SGCD: variants seen among roughly 807,000 people sequenced by gnomAD.
SGCD encodes sarcoglycan delta.
Under a neutral mutation model 36.6 loss-of-function variants are expected in SGCD, and 18 were observed. The observed-to-expected ratio is 0.49, with a 90% CI of 0.34 to 0.73. The LOEUF is 0.73. Among genes scored for constraint, SGCD ranks in the 30% least tolerant of loss-of-function variants. The pLI, the probability that SGCD is intolerant of heterozygous loss-of-function variation, is 0.01. For synonymous variants in SGCD, 133 were observed against 130.6 expected (o/e 1.02, Z -0.12); for missense variants, 387 against 346.7 (o/e 1.12, Z -0.92).
chr5:156,061,156 C>G (rs1760195762), intron 1 of SGCD, among the ~76,000 whole-genome samples: 2 of 143,640 alleles, frequency 1.4e-5, no homozygotes. Flanking sequence ...ATTTTAACCC[C>G]TGTAAAAATT....
intron 3 of SGCD, among the ~76,000 whole-genome samples, chr5:156,478,386 C>T (rs1755282224): frequency 6.6e-6 from 1 of 152,108 alleles, no homozygotes; most frequent in African/African-American, 2.4e-5. Context: ...GGCTCTGCTC[C>T]CCCTGGGCTA....
chr5:156,671,305 C>T (rs1467080994), intron 7 of SGCD, among the ~76,000 whole-genome samples: 1 of 141,276 alleles, frequency 7.1e-6, no homozygotes, highest in African/African-American at 2.6e-5. Flanking sequence ...CAGAGTCTCG[C>T]TCTGTCACCC....
chr5:156,742,748 A>T (rs1049623222), intron 7 of SGCD, among the ~76,000 whole-genome samples: 2 of 152,212 alleles, frequency 1.3e-5, no homozygotes. Context: ...CAAGGAGTAG[A>T]TGGTATTAAT....
intron 4 of SGCD, among the ~76,000 whole-genome samples, chr5:156,565,778 T>C (rs959786787): frequency 6.6e-6 from 1 of 152,090 alleles, no homozygotes; most frequent in Non-Finnish European, 1.5e-5. Context: ...CTCCCACTTA[T>C]GAGTGAGAAC....
At position 156,766,830 on chromosome 5, in the gene SGCD, G is replaced by A. The variant is rs1352722625; in HGVS notation, c.*7440G>A. ...TGCTGTCAACCTGCCTTCACCCAGA[G>A]CTTAGAGGGCCACAGCAGCAAAGAG... On this transcript the variant is annotated 3_prime_UTR_variant, in exon 9 of 9. Transcript: ENST00000337851. 1 of 152,070 alleles carries A rather than the reference G, an allele frequency of 6.6e-6. No individual in the cohort carries two copies. The highest frequency in any genetic ancestry group is 1.5e-5 in the Non-Finnish European group (1 of 68,044). 9.4% of individuals were successfully genotyped at this position (152,070 alleles called of 1,614,324 possible).
chr5:156,210,865 A>C (rs1207888578), intron 3 of SGCD, among the ~76,000 whole-genome samples: 2 of 152,138 alleles, frequency 1.3e-5, no homozygotes, highest in East Asian at 3.9e-4. Flanking sequence ...CCAGAAGTAA[A>C]AGAGAGAGAA....
intron 6 of SGCD, among the ~76,000 whole-genome samples, chr5:156,610,845 C>T (rs574409568): frequency 8.6e-4 from 131 of 152,342 alleles, no homozygotes; most frequent in African/African-American, 1.3e-3. Flanking sequence ...CCAGGCCAGG[C>T]GCAGGATATA....
At chr5:156,629,604 A>G (rs1055938333) in intron 6 of SGCD, among the ~76,000 whole-genome samples, 1 of 152,214 alleles carries the variant, frequency 6.6e-6, no homozygotes, top group Non-Finnish European at 1.5e-5. Flanking sequence ...AAGATGCAAT[A>G]ATCTAGGCCA....
chr5:156,495,413 A>G (rs1756139676), intron 3 of SGCD, among the ~76,000 whole-genome samples: 1 of 152,144 alleles, frequency 6.6e-6, no homozygotes, highest in African/African-American at 2.4e-5. Flanking sequence ...AACCTTTCTC[A>G]CAAGTATCAA....
chr5:156,472,381 A>G (rs918487106), intron 3 of SGCD, among the ~76,000 whole-genome samples: 12 of 152,212 alleles, frequency 7.9e-5, no homozygotes, highest in African/African-American at 2.9e-4. Flanking sequence ...CTACTCACCA[A>G]TAAAAAATAA....
At chr5:155,775,309 C>T in the SGCD span, among the ~76,000 whole-genome samples, 2 of 152,138 alleles carry the variant, frequency 1.3e-5, no homozygotes, top group Non-Finnish European at 2.9e-5. Flanking sequence ...GGGCCCTTTT[C>T]TGATTTATCA....
In SGCD at chr5:156,244,682, A is replaced by G. The variant is rs572430473; in HGVS notation, c.-43-84852A>G. Among the ~76,000 whole-genome samples the G allele has an allele frequency of 1.5e-4, 23 of 152,358 alleles. No individual in the cohort carries two copies. In the South Asian group the frequency reaches 3.1e-3, roughly 21 times the overall value. On this transcript the variant is annotated intron_variant, in intron 3 of 9. Transcript: ENST00000517913. ...GTTGAACAAAAAGTTTAAAAGCCAG[A>G]ATCACTTGGGAAGATTTTAATAGCC...
At chr5:155,965,781 G>T (rs978600915) in intron 1 of SGCD, among the ~76,000 whole-genome samples, 1 of 151,948 alleles carries the variant, frequency 6.6e-6, no homozygotes, top group Non-Finnish European at 1.5e-5. Flanking sequence ...AAATACGAAG[G>T]GCTCTAAAAG....
chr5:156,524,183 A>AATAT (rs1491565220), intron 4 of SGCD, among the ~76,000 whole-genome samples: 3 of 20,688 alleles, frequency 1.5e-4, no homozygotes, highest in Non-Finnish European at 2.7e-4. Context: ...TATAGGTCTT[A>AATAT]CTATATATAT....
intron 7 of SGCD, among the ~76,000 whole-genome samples, chr5:156,690,776 T>C (rs957189549): frequency 1.3e-5 from 2 of 152,028 alleles, no homozygotes; most frequent in Non-Finnish European, 2.9e-5. Flanking sequence ...GTAGCAGAGA[T>C]GCCAAGGAAA....
the SGCD span, among the ~76,000 whole-genome samples, chr5:155,833,226 A>T: frequency 3.4e-5 from 5 of 146,900 alleles, no homozygotes; most frequent in Admixed American, 2.7e-4. Flanking sequence ...AGAGAATCTC[A>T]AAAAAAAAAA....
intron 1 of SGCD, among the ~76,000 whole-genome samples, chr5:155,929,859 C>T (rs1346973076): frequency 6.6e-6 from 1 of 152,170 alleles, no homozygotes; most frequent in African/African-American, 2.4e-5. Context: ...ACACAACTTT[C>T]CATATTCACT....
intron 7 of SGCD, among the ~76,000 whole-genome samples, chr5:156,729,410 C>G (rs10515743): frequency 6.6e-6 from 1 of 152,130 alleles, no homozygotes; most frequent in East Asian, 1.9e-4. Flanking sequence ...AGTGGCTTAA[C>G]GCAAAGGCCT....
chr5:156,097,968 A>G (rs1036458703), intron 1 of SGCD, among the ~76,000 whole-genome samples: 1 of 152,172 alleles, frequency 6.6e-6, no homozygotes, highest in African/African-American at 2.4e-5. Flanking sequence ...ATTAGGTGCC[A>G]TCGGAATTCT....
Sources: gnomAD v4.1 joint callset for allele counts (sites outside exome capture counted in the v4.1 genomes callset) on GRCh38, gnomAD v4.1.1 for gene constraint, MANE v1.5 for transcripts, NCBI Gene and HGNC (gene_info 2026-07-23, HGNC 2026-07-21) for gene names.